GPC6: variants seen among roughly 807,000 people sequenced by gnomAD.
GPC6 encodes glypican 6, also known as glypican-6.
Under a neutral mutation model 55.2 loss-of-function variants are expected in GPC6, and 14 were observed. The observed-to-expected ratio is 0.25, with a 90% CI of 0.17 to 0.40. GPC6 has a LOEUF of 0.40. Among genes scored for constraint, GPC6 ranks in the 10% least tolerant of loss-of-function variants. GPC6 has a pLI of 1.00. For missense variants in GPC6, 641 were observed against 708.5 expected (o/e 0.90, Z 1.08); for synonymous variants, 278 against 259.6 (o/e 1.07, Z -0.68).
At chr13:94,257,052 A>G (rs1403993593) in intron 4 of GPC6, among the ~76,000 whole-genome samples, 2 of 152,312 alleles carry the variant, frequency 1.3e-5, no homozygotes, top group Admixed American at 6.5e-5. Flanking sequence ...AGCTCATTTA[A>G]CAAGTGTTTC....
chr13:93,617,264 A>C (rs961298986), intron 2 of GPC6, among the ~76,000 whole-genome samples: 7 of 152,094 alleles, frequency 4.6e-5, no homozygotes, highest in African/African-American at 1.7e-4. Context: ...GGAATATTAG[A>C]TATATAGCCC....
At chr13:94,048,611 GA>G (rs905441887) in intron 4 of GPC6, among the ~76,000 whole-genome samples, 152 of 145,956 alleles carry the variant, frequency 1.0e-3, no homozygotes, top group Middle Eastern at 3.5e-3. Flanking sequence ...GTGGGGTTCA[GA>G]AAAAAAAAAC....
At chr13:93,732,169 A>C (rs1376825022) in intron 2 of GPC6, among the ~76,000 whole-genome samples, 1 of 152,170 alleles carries the variant, frequency 6.6e-6, no homozygotes, top group Non-Finnish European at 1.5e-5. Context: ...ATAGTTTTCC[A>C]AAGTGATGTC....
intron 3 of GPC6, among the ~76,000 whole-genome samples, chr13:93,846,732 T>G (rs754947025): frequency 7.6e-4 from 116 of 152,208 alleles, no homozygotes; most frequent in Non-Finnish European, 1.4e-3. Context: ...AAGAATCACT[T>G]GAACCGGGGA....
chr13:94,003,323 TGA>T (rs1881886289), intron 3 of GPC6, among the ~76,000 whole-genome samples: 1 of 152,174 alleles, frequency 6.6e-6, no homozygotes, highest in Non-Finnish European at 1.5e-5. Flanking sequence ...TAAAAAAGTT[TGA>T]ACCTTGTAAA....
At chr13:93,507,137 C>A (rs1880766587) in intron 1 of GPC6, among the ~76,000 whole-genome samples, 1 of 142,224 alleles carries the variant, frequency 7.0e-6, no homozygotes, top group Admixed American at 7.0e-5. Flanking sequence ...AACTTACTTG[C>A]TTTGTGTGGA....
intron 4 of GPC6, among the ~76,000 whole-genome samples, chr13:94,151,452 C>T (rs1593990964): frequency 6.6e-6 from 1 of 152,160 alleles, no homozygotes; most frequent in Admixed American, 6.6e-5. Flanking sequence ...TCTGTGGCTT[C>T]TCTTGTAAGT....
At chr13:93,920,693 T>C (rs1168322770) in intron 3 of GPC6, among the ~76,000 whole-genome samples, 1 of 152,164 alleles carries the variant, frequency 6.6e-6, no homozygotes, top group Non-Finnish European at 1.5e-5. Context: ...TCCTCCTTCG[T>C]CTTCCCCAGT....
At chr13:94,194,245 T>C (rs1297555118) in intron 4 of GPC6, among the ~76,000 whole-genome samples, 1 of 152,226 alleles carries the variant, frequency 6.6e-6, no homozygotes, top group East Asian at 1.9e-4. Context: ...TAAATTTGAA[T>C]TTCAGATAAA....
intron 2 of GPC6, among the ~76,000 whole-genome samples, chr13:93,623,012 T>C (rs1453534139): frequency 1.3e-5 from 2 of 152,222 alleles, no homozygotes; most frequent in Admixed American, 1.3e-4. Context: ...CATGTAGTAT[T>C]TGTCTTTCTG....
chr13:93,772,422 T>C (rs937252635), intron 2 of GPC6, among the ~76,000 whole-genome samples: 1 of 152,038 alleles, frequency 6.6e-6, no homozygotes, highest in Admixed American at 6.6e-5. Flanking sequence ...GTATTAAATA[T>C]GGATTTCATG....
At chr13:93,887,144 A>C (rs1475303170) in intron 3 of GPC6, among the ~76,000 whole-genome samples, 2 of 152,114 alleles carry the variant, frequency 1.3e-5, no homozygotes, top group African/African-American at 4.8e-5. Context: ...CAACAAAGAT[A>C]CATGCATAAT....
chr13:93,467,242 T>G (rs1878938025), intron 1 of GPC6, among the ~76,000 whole-genome samples: 1 of 152,224 alleles, frequency 6.6e-6, no homozygotes, highest in South Asian at 2.1e-4. Context: ...CTAAGCAAGG[T>G]TGCTATGTCA....
At chr13:93,291,386 C>T (rs1878314740) in intron 1 of GPC6, among the ~76,000 whole-genome samples, 1 of 152,070 alleles carries the variant, frequency 6.6e-6, no homozygotes, top group Non-Finnish European at 1.5e-5. Context: ...TGCTGTTTTG[C>T]CTTGCTTTAC....
In GPC6 at chr13:93,227,501, G is replaced by A; in HGVS notation, c.45G>A (p.Leu15=). The change falls in exon 1 of 9, where the codon CTG becomes CTA. Residue 15 remains leucine (L), a synonymous_variant. Coordinates refer to ENST00000377047, the MANE Select transcript of GPC6 (RefSeq NM_005708.5). The surrounding 1 kb of genome is among the most constrained non-coding windows in gnomAD (Gnocchi z 4.3). ...CTGTGATTCTTCCCCTCTTGGGGCT[G>A]CTGCTCTCCCTCCCCGCCGGGGCGG... ...IGAVILPLLG[L]LLSLPAGADV... 1 of 1,613,930 alleles carries A rather than the reference G, an allele frequency of 6.2e-7. No individual in the cohort carries two copies. The highest frequency in any genetic ancestry group is 8.5e-7 in the Non-Finnish European group (1 of 1,179,850).
intron 4 of GPC6, among the ~76,000 whole-genome samples, chr13:94,283,497 C>G (rs1892446226): frequency 1.3e-5 from 2 of 152,240 alleles, no homozygotes; most frequent in Non-Finnish European, 2.9e-5. Flanking sequence ...AGAGGCGTGG[C>G]TTTACCTGCA....
At chr13:93,682,127 G>A (rs1353861011) in intron 2 of GPC6, among the ~76,000 whole-genome samples, 5 of 152,132 alleles carry the variant, frequency 3.3e-5, no homozygotes, top group Non-Finnish European at 7.4e-5. Context: ...TAAGCAGACA[G>A]GAGTAAAGAT....
At chr13:94,124,673 A>G (rs1203802355) in intron 4 of GPC6, among the ~76,000 whole-genome samples, 2 of 152,132 alleles carry the variant, frequency 1.3e-5, no homozygotes, top group Admixed American at 6.6e-5. Flanking sequence ...TCTCGCTCAC[A>G]TTCAAGAGTT....
chr13:93,648,039 T>C (rs186716818), intron 2 of GPC6, among the ~76,000 whole-genome samples: 5 of 152,154 alleles, frequency 3.3e-5, no homozygotes, highest in Admixed American at 2.0e-4. Context: ...TCCTTGAAAA[T>C]GGTTCAGGGA....
Sources: allele counts gnomAD v4.1 joint callset (sites outside exome capture counted in the v4.1 genomes callset), GRCh38; gene constraint gnomAD v4.1.1; non-coding constraint Gnocchi (gnomAD v3.1); transcripts MANE v1.5; gene names NCBI Gene and HGNC (gene_info 2026-07-23, HGNC 2026-07-21).